The following ALPK2 variants were observed in gnomAD, a reference collection of about 807,000 sequenced individuals.
ALPK2 encodes alpha kinase 2, also known as alpha-protein kinase 2.
A neutral mutation model predicts 163.1 loss-of-function variants in ALPK2; 127 were observed. The ratio of observed to expected loss-of-function variants is 0.78; its 90% CI spans 0.67 to 0.90. The LOEUF is 0.90. Ranked by LOEUF, ALPK2 falls within the 40% of genes least tolerant of loss-of-function variation. The pLI is 0.00. For missense variants in ALPK2, 2,360 were observed against 2,589.6 expected, an observed-to-expected ratio of 0.91 and a Z score of 1.92; for synonymous variants, 953 against 959.1, an observed-to-expected ratio of 0.99 and a Z score of 0.12.
At chr18:58,544,966 C>CT (rs1163088229) in intron 4 of ALPK2, 2 of 152,220 alleles carry the variant, frequency 1.3e-5, no homozygotes, top group Non-Finnish European at 2.9e-5. Context: ...CAAGGGACTT[C>CT]TGGGGAAGCT....
intron 8 of ALPK2, among the ~76,000 whole-genome samples, chr18:58,522,169 G>C (rs781088196): frequency 1.2e-4 from 18 of 152,224 alleles, no homozygotes; most frequent in Middle Eastern, 6.8e-3. Flanking sequence ...GATCACATGG[G>C]GTGAGGCTGG....
chr18:58,546,004 G>T (rs566901974), intron 4 of ALPK2, among the ~76,000 whole-genome samples: 1 of 152,258 alleles, frequency 6.6e-6, no homozygotes, highest in South Asian at 2.1e-4. Flanking sequence ...TAGATAGCCC[G>T]GTCCCCAGCC....
intron 3 of ALPK2, among the ~76,000 whole-genome samples, chr18:58,602,037 C>G (rs2052073144): frequency 6.6e-6 from 1 of 152,188 alleles, no homozygotes; most frequent in Non-Finnish European, 1.5e-5. Flanking sequence ...CAGACATTAC[C>G]AAATGTCCCC....
In ALPK2 at chr18:58,481,977, T is replaced by C; in HGVS notation, c.6359A>G (p.Gln2120Arg). ...CAGCATTTTGCAATACTTGTTACAC[T>C]GGTGTAGTGCTTTAAACTGATCAAT... ...TFIDQFKALH[Q>R]CNKYCKMLGL... Residue 2120 changes from glutamine (Q) to arginine (R), a missense_variant, in exon 13 of 13, where the codon CAG becomes CGG. By Grantham distance (43) the Gln-to-Arg change is conservative. Transcript: ENST00000361673. 6.2e-7 allele frequency: 1 copy of C among 1,614,238 alleles called. No individual in the cohort carries two copies. Among genetic ancestry groups the C allele is most frequent in the Non-Finnish European group, 8.5e-7 (1 of 1,180,036 alleles).
chr18:58,578,968 G>A lies in ALPK2; in HGVS notation c.1808C>T (p.Ala603Val). ...RSSHADAREC[A>V]ISTQAEQEAK... is the part of the protein sequence containing the mutation. The stretch of plus-strand genomic sequence containing the variant: ...TTCTTGCTCTGCCTGGGTTGAAATA[G>A]CACATTCTCTTGCATCAGCATGGGA... The change falls in exon 4 of 13, where the codon GCT (alanine) becomes GTT (valine). Residue 603 changes from alanine to valine, a missense_variant. Transcript: ENST00000361673. 1 of 1,614,212 alleles carries A rather than the reference G, an allele frequency of 6.2e-7. No homozygotes were observed. Among genetic ancestry groups the A allele is most frequent in the Non-Finnish European group, 8.5e-7 (1 of 1,180,030 alleles).
intron 3 of ALPK2, among the ~76,000 whole-genome samples, chr18:58,583,354 T>C (rs2051969369): frequency 1.3e-5 from 2 of 152,202 alleles, no homozygotes; most frequent in Middle Eastern, 3.4e-3. Context: ...CTTCCTGTCA[T>C]GGCCTGAACT....
At chr18:58,515,389 C>T (rs2051516052) in intron 9 of ALPK2, among the ~76,000 whole-genome samples, 2 of 152,268 alleles carry the variant, frequency 1.3e-5, no homozygotes, top group South Asian at 4.1e-4. Flanking sequence ...GGACTGGCCC[C>T]TCATCACGTC....
intron 12 of ALPK2, among the ~76,000 whole-genome samples, chr18:58,492,352 C>T (rs920866529): frequency 6.6e-6 from 1 of 152,206 alleles, no homozygotes; most frequent in African/African-American, 2.4e-5. Flanking sequence ...TTTTCCTTGT[C>T]TTTAGTCGAC....
chr18:58,537,075 C>T lies in ALPK2; in HGVS notation c.3112G>A (p.Glu1038Lys). 1 of 1,614,200 alleles carries T rather than the reference C, an allele frequency of 6.2e-7. No individual in the cohort carries two copies. The change falls in exon 5 of 13, where the codon GAG becomes AAG. Residue 1038 changes from glutamate to lysine, a missense_variant. Glu to Lys is a moderately conservative substitution (Grantham distance 56). Coordinates refer to ENST00000361673, the MANE Select transcript of ALPK2 (RefSeq NM_052947.4). ...PEDKHAGGTE[E>K]RFPRASHEKV... The stretch of plus-strand genomic sequence containing the variant: ...TCATGGGATGCACGAGGGAACCTCT[C>T]CTCAGTGCCACCTGCATGCTTGTCC...
At position 58,580,506 on chromosome 18, in the gene ALPK2, T is replaced by C. The variant is rs2051953058; in HGVS notation, c.270A>G (p.Lys90=). 7.4e-6 allele frequency: 12 copies of C among 1,614,038 alleles called. No individual in the cohort carries two copies. The highest frequency in any genetic ancestry group is 1.0e-5 in the Non-Finnish European group (12 of 1,179,944). Residue 90 remains lysine, a synonymous_variant, in exon 4 of 13, where the codon AAA becomes AAG. Coordinates refer to ENST00000361673, the MANE Select transcript of ALPK2 (RefSeq NM_052947.4). ...NDAAVYQISA[K]NSFGMICCSA... ...AACAACAGATCATTCCAAAAGAGTT[T>C]TTAGCCGAGATTTGATAGACAGCAG...
chr18:58,531,736 T>TAGACCATCCTGGCC (rs2051615866), intron 5 of ALPK2, among the ~76,000 whole-genome samples: 1 of 149,724 alleles, frequency 6.7e-6, no homozygotes, highest in Non-Finnish European at 1.5e-5. Context: ...TCAAGAGATC[T>TAGACCATCCTGGCC]AGACCATCCT....
chr18:58,509,612 A>T (rs1489628389), intron 10 of ALPK2, among the ~76,000 whole-genome samples: 8 of 151,322 alleles, frequency 5.3e-5, no homozygotes, highest in African/African-American at 1.9e-4. Context: ...TGTGGTTTTG[A>T]TTTGCATTTC....
intron 12 of ALPK2, among the ~76,000 whole-genome samples, chr18:58,485,715 C>T (rs977689902): frequency 3.9e-5 from 6 of 152,192 alleles, no homozygotes; most frequent in African/African-American, 1.4e-4. Context: ...TCCTGTATGC[C>T]TGAGCGCTCT....
rs149133396 is a variant in ALPK2 at position 58,486,227 on chromosome 18, G to T, written c.6297-4188C>A. On this transcript the variant is annotated intron_variant, in intron 12 of 12. Coordinates refer to ENST00000361673, the MANE Select transcript of ALPK2 (RefSeq NM_052947.4). ...CAGAAAGCTGGAGTCAGGCAGCAGA[G>T]GCTAAGATGGCTGTGCCTGGGCTTG... Among the ~76,000 whole-genome samples, 577 of 152,316 alleles carry T rather than the reference G, an allele frequency of 3.8e-3. 2 individuals are homozygous for T. Among genetic ancestry groups the T allele is most frequent in the African/African-American group, 0.012 (514 of 41,576 alleles).
Position 58,579,534 on chromosome 18 carries a change from G to T in ALPK2, c.1242C>A (p.Ser414Arg), listed in dbSNP as rs375349480. 4.3e-6 allele frequency: 7 copies of T among 1,613,576 alleles called. No homozygotes were observed. In the African/African-American group the frequency reaches 9.3e-5, roughly 22 times the overall value. The part of the protein sequence containing the change: ...HSQPQEVGVR[S>R]SRVSKHGPSS... Reference sequence around the variant, plus strand: ...AGGGACCGTGCTTGGAGACTCTGCTGCTCCTCACCCCAACTTCTTGGGGTT... The same window carrying T: ...AGGGACCGTGCTTGGAGACTCTGCTTCTCCTCACCCCAACTTCTTGGGGTT... The change falls in exon 4 of 13, where the codon AGC becomes AGA. Residue 414 changes from serine to arginine, a missense_variant. Physicochemically the swap from Ser to Arg is moderately radical, Grantham distance 110. Coordinates refer to ENST00000361673, the MANE Select transcript of ALPK2 (RefSeq NM_052947.4).
chr18:58,575,308 T>C (rs1230282035), intron 4 of ALPK2, among the ~76,000 whole-genome samples: 11 of 152,192 alleles, frequency 7.2e-5, no homozygotes, highest in Admixed American at 7.2e-4. Context: ...ATTGATTGTC[T>C]ATTACACGGC....
intron 3 of ALPK2, among the ~76,000 whole-genome samples, chr18:58,593,947 C>CAAAAAAAAAAA (rs11366867): frequency 7.9e-6 from 1 of 127,194 alleles, no homozygotes; most frequent in African/African-American, 2.9e-5. Flanking sequence ...TTCCCCCAAC[C>CAAAAAAAAAAA]AAAAAAAAAA....
At chr18:58,604,510 T>A (rs1300825432) in intron 3 of ALPK2, among the ~76,000 whole-genome samples, 2 of 152,080 alleles carry the variant, frequency 1.3e-5, no homozygotes, top group African/African-American at 4.8e-5. Flanking sequence ...CATCAGTGGG[T>A]TTTAAAGTCT....
intron 4 of ALPK2, among the ~76,000 whole-genome samples, chr18:58,548,858 G>A (rs530754176): frequency 6.6e-6 from 1 of 152,100 alleles, no homozygotes. Flanking sequence ...CATCTATCCA[G>A]TCTGATCTTT....
Sources: allele counts gnomAD v4.1 joint callset (sites outside exome capture counted in the v4.1 genomes callset), GRCh38; gene constraint gnomAD v4.1.1; transcripts MANE v1.5; gene names NCBI Gene and HGNC (gene_info 2026-07-23, HGNC 2026-07-21).